Variants in CADM1 observed in about 807,000 individuals in gnomAD.
The protein encoded by CADM1 is cell adhesion molecule 1.
A neutral mutation model predicts 53.1 loss-of-function variants in CADM1; 15 were observed. The observed-to-expected ratio is 0.28, with a 90% CI of 0.19 to 0.44. The LOEUF is 0.44. Among genes scored for constraint, CADM1 ranks in the 20% least tolerant of loss-of-function variants. The pLI, the probability that CADM1 is intolerant of heterozygous loss-of-function variation, is 1.00. For missense variants in CADM1, 434 were observed against 611.3 expected, an observed-to-expected ratio of 0.71 and a Z score of 3.06; for synonymous variants, 281 against 243.0, an observed-to-expected ratio of 1.16 and a Z score of -1.45.
intron 1 of CADM1, among the ~76,000 whole-genome samples, chr11:115,468,201 G>A (rs1948935889): frequency 6.6e-6 from 1 of 152,124 alleles, no homozygotes; most frequent in Non-Finnish European, 1.5e-5. Flanking sequence ...TAGATTTTGT[G>A]AAATAGATAC....
At chr11:115,348,813 C>CT (rs1451462500) in intron 1 of CADM1, among the ~76,000 whole-genome samples, 1 of 152,056 alleles carries the variant, frequency 6.6e-6, no homozygotes, top group Non-Finnish European at 1.5e-5. Context: ...ATTTCAAGTG[C>CT]TTTACAATTA....
At chr11:115,305,503 G>T (rs1386868558) in intron 1 of CADM1, among the ~76,000 whole-genome samples, 1 of 151,858 alleles carries the variant, frequency 6.6e-6, no homozygotes, top group Non-Finnish European at 1.5e-5. Context: ...TCTGCACCTT[G>T]ATTCTCAATC....
intron 1 of CADM1, among the ~76,000 whole-genome samples, chr11:115,426,195 C>A (rs546687083): frequency 1.3e-5 from 2 of 152,288 alleles, no homozygotes; most frequent in South Asian, 4.1e-4. Context: ...ATGTTTTATC[C>A]TACATGATTA....
intron 7 of CADM1, among the ~76,000 whole-genome samples, chr11:115,212,399 T>C (rs1188740719): frequency 6.6e-6 from 1 of 152,202 alleles, no homozygotes; most frequent in Admixed American, 6.5e-5. Flanking sequence ...TACCTTAGGC[T>C]AATATTCTAA....
At chr11:115,291,635 T>C (rs1307284219) in intron 1 of CADM1, among the ~76,000 whole-genome samples, 1 of 152,188 alleles carries the variant, frequency 6.6e-6, no homozygotes, top group African/African-American at 2.4e-5. Context: ...GTTTTGATAT[T>C]ATCATTACAC....
chr11:115,466,996 A>C (rs1948912160), intron 1 of CADM1, among the ~76,000 whole-genome samples: 1 of 152,226 alleles, frequency 6.6e-6, no homozygotes, highest in African/African-American at 2.4e-5. Context: ...TCTATAATTT[A>C]AATATGGCAA....
chr11:115,305,048 A>G (rs1172919055), intron 1 of CADM1, among the ~76,000 whole-genome samples: 1 of 152,048 alleles, frequency 6.6e-6, no homozygotes, highest in Non-Finnish European at 1.5e-5. Flanking sequence ...CACGAAATAG[A>G]CACCTAGACA....
chr11:115,242,717 C>T (rs1942283422), intron 1 of CADM1, among the ~76,000 whole-genome samples: 1 of 152,160 alleles, frequency 6.6e-6, no homozygotes, highest in Admixed American at 6.5e-5. Context: ...AGTATATTAG[C>T]AACATAAATA....
intron 1 of CADM1, among the ~76,000 whole-genome samples, chr11:115,438,013 G>A (rs1948222127): frequency 1.3e-5 from 2 of 152,146 alleles, no homozygotes; most frequent in African/African-American, 2.4e-5. Flanking sequence ...CCTGATTGCT[G>A]AGCGAATGTA....
At chr11:115,227,860 G>A (rs1941669709) in intron 5 of CADM1, among the ~76,000 whole-genome samples, 1 of 152,134 alleles carries the variant, frequency 6.6e-6, no homozygotes, top group Admixed American at 6.6e-5. Flanking sequence ...CAAATAATAG[G>A]GCTTGTATGG....
intron 1 of CADM1, among the ~76,000 whole-genome samples, chr11:115,500,134 AT>A (rs1949699928): frequency 6.6e-6 from 1 of 152,216 alleles, no homozygotes. Context: ...GCCCAGCATA[AT>A]GGTCAAAACT....
intron 1 of CADM1, among the ~76,000 whole-genome samples, chr11:115,385,962 A>G (rs1179070641): frequency 3.9e-5 from 6 of 152,268 alleles, no homozygotes; most frequent in African/African-American, 1.2e-4. Context: ...GATTTCCTGT[A>G]TAAGAACAGG....
At chr11:115,385,633 GAA>G (rs3045733) in intron 1 of CADM1, among the ~76,000 whole-genome samples, 364 of 111,460 alleles carry the variant, frequency 3.3e-3, no homozygotes, top group African/African-American at 0.01. Context: ...AAGGATTAAA[GAA>G]AAAAAAAAAA....
chr11:115,255,786 A>C (rs1402080682), intron 1 of CADM1, among the ~76,000 whole-genome samples: 1 of 152,268 alleles, frequency 6.6e-6, no homozygotes, highest in Non-Finnish European at 1.5e-5. Flanking sequence ...GGATAAAATC[A>C]ATAGGAAACT....
chr11:115,345,835 C>T (rs143096153), intron 1 of CADM1, among the ~76,000 whole-genome samples: 90 of 152,286 alleles, frequency 5.9e-4, no homozygotes, highest in African/African-American at 2.0e-3. Context: ...GATGCTCAAG[C>T]ATTTCTTCAC....
At chr11:115,390,735 A>G (rs568000198) in intron 1 of CADM1, among the ~76,000 whole-genome samples, 1 of 152,128 alleles carries the variant, frequency 6.6e-6, no homozygotes, top group East Asian at 1.9e-4. Flanking sequence ...TAGCAAAACA[A>G]AAGAGGAAGT....
chr11:115,470,091 A>G (rs1020621107), intron 1 of CADM1, among the ~76,000 whole-genome samples: 6 of 152,250 alleles, frequency 3.9e-5, no homozygotes, highest in Non-Finnish European at 7.3e-5. Context: ...TCAGCAAAAT[A>G]AAAATAATAG....
At chr11:115,497,691 C>T (rs1204178102) in intron 1 of CADM1, among the ~76,000 whole-genome samples, 1 of 152,114 alleles carries the variant, frequency 6.6e-6, no homozygotes, top group East Asian at 1.9e-4. Flanking sequence ...ACAAACATTC[C>T]AGTGGGTTCC....
chr11:115,267,773 T>C (rs899588307), intron 1 of CADM1, among the ~76,000 whole-genome samples: 1 of 149,410 alleles, frequency 6.7e-6, no homozygotes, highest in Non-Finnish European at 1.5e-5. Flanking sequence ...TTAAAAAATA[T>C]GACGAATATA....
Sources: allele counts gnomAD v4.1 joint callset (sites outside exome capture counted in the v4.1 genomes callset), GRCh38; gene constraint gnomAD v4.1.1; transcripts MANE v1.5; gene names NCBI Gene and HGNC (gene_info 2026-07-23, HGNC 2026-07-21).